The following LAMA4 variants were observed in gnomAD, a reference collection of about 807,000 sequenced individuals.
The protein encoded by LAMA4 is laminin subunit alpha 4.
LAMA4 carries 127 observed loss-of-function variants against 207.1 expected under a neutral mutation model. That is an observed-to-expected ratio of 0.61 (90% CI 0.53 to 0.71). LAMA4 has a LOEUF of 0.71. LAMA4 is among the 30% of genes least tolerant of loss of function. The pLI, the probability that LAMA4 is intolerant of heterozygous loss-of-function variation, is 0.00. For synonymous variants in LAMA4, 761 were observed against 816.0 expected, an observed-to-expected ratio of 0.93 and a Z score of 1.15; for missense variants, 2,093 against 2,246.5, an observed-to-expected ratio of 0.93 and a Z score of 1.38.
intron 6 of LAMA4, among the ~76,000 whole-genome samples, chr6:112,189,803 A>C (rs782056633): frequency 6.6e-6 from 1 of 152,194 alleles, no homozygotes; most frequent in Non-Finnish European, 1.5e-5. Context: ...TTTTACATGA[A>C]TTTAGAAGAC....
chr6:112,209,034 T>G (rs1784223187), intron 3 of LAMA4, among the ~76,000 whole-genome samples: 1 of 152,208 alleles, frequency 6.6e-6, no homozygotes, highest in Non-Finnish European at 1.5e-5. Flanking sequence ...CATGGATTAA[T>G]GAATTTGTGT....
At chr6:112,227,559 G>A (rs1554362938) in intron 2 of LAMA4, among the ~76,000 whole-genome samples, 1 of 152,188 alleles carries the variant, frequency 6.6e-6, no homozygotes, top group African/African-American at 2.4e-5. Context: ...TCTCTAGGAA[G>A]TGACTAATGT....
chr6:112,161,578 T>C (rs150857115), intron 13 of LAMA4, among the ~76,000 whole-genome samples: 63 of 152,350 alleles, frequency 4.1e-4, no homozygotes, highest in Non-Finnish European at 1.2e-4. Context: ...GTAGAATACC[T>C]TTGAACACAG....
At chr6:112,184,637 T>C (rs1322240115) in intron 9 of LAMA4, among the ~76,000 whole-genome samples, 1 of 152,184 alleles carries the variant, frequency 6.6e-6, no homozygotes, top group Non-Finnish European at 1.5e-5. Context: ...ATTCTTTATG[T>C]TGTATTTAAG....
rs1472091604 is a variant in LAMA4 at position 112,133,710 on chromosome 6, TCTAA to T, written c.3558-227_3558-224del. 2.6e-5 allele frequency among the ~76,000 whole-genome samples: 4 copies of T among 152,338 alleles called. No individual in the cohort carries two copies. In the South Asian group the frequency reaches 8.3e-4, roughly 32 times the overall value. On this transcript the variant is annotated intron_variant, in intron 26 of 38. Coordinates refer to ENST00000230538, the MANE Select transcript of LAMA4 (RefSeq NM_001105206.3). The stretch of plus-strand genomic sequence containing the variant: ...TTCTTCCTTACAGTTTTCAAAATGC[TCTAA>T]CTTACATTATCTCATTTTATCTTTA...
At chr6:112,208,147 G>A (rs1784171329) in intron 3 of LAMA4, among the ~76,000 whole-genome samples, 2 of 151,598 alleles carry the variant, frequency 1.3e-5, no homozygotes, top group South Asian at 4.2e-4. Flanking sequence ...AGGTTGAATT[G>A]GGGTTGCAGT....
intron 3 of LAMA4, chr6:112,213,401 C>T (rs1231948522): frequency 2.0e-5 from 3 of 152,172 alleles, no homozygotes; most frequent in Non-Finnish European, 4.4e-5. Flanking sequence ...CCTTCTAGTA[C>T]CTTTATAGAG....
intron 31 of LAMA4, among the ~76,000 whole-genome samples, chr6:112,125,223 A>G (rs1349831699): frequency 4.0e-5 from 6 of 151,128 alleles, no homozygotes; most frequent in Non-Finnish European, 5.9e-5. Flanking sequence ...CTTTCACTCT[A>G]TGAAGGAGCT....
rs139910579 is a variant in LAMA4, at chr6:112,254,124, C to G, written c.27G>C (p.Ser9=). ...TCCAGAGGAGCCACAGAGGCAGAAC[C>G]GAGCGCCAGGCTGAGCTCAAAGCCA... The part of the protein sequence containing the change: MALSSAWR[S]VLPLWLLWSA... The change falls in exon 2 of 39, where the codon TCG becomes TCC. Residue 9 remains serine, a synonymous_variant. Coordinates refer to ENST00000230538, the MANE Select transcript of LAMA4 (RefSeq NM_001105206.3). 2 of 1,612,830 alleles carry G rather than the reference C, an allele frequency of 1.2e-6. No individual in the cohort carries two copies. The highest frequency in any genetic ancestry group is 1.7e-5 in the Admixed American group (1 of 59,992).
At chr6:112,129,756 T>C (rs1778917283) in intron 30 of LAMA4, 120 bp downstream of exon 30, 2 of 837,854 alleles carry the variant, frequency 2.4e-6, no homozygotes, top group African/African-American at 3.4e-5. Flanking sequence ...CATAAAAGCT[T>C]TTAATTACTA....
At chr6:112,186,544 A>G (rs1583830770) in intron 8 of LAMA4, among the ~76,000 whole-genome samples, 2 of 152,340 alleles carry the variant, frequency 1.3e-5, no homozygotes, top group South Asian at 4.1e-4. Flanking sequence ...ATCCCTTGGT[A>G]GTTGTGGGAG....
At chr6:112,143,860 A>C (rs191184768) in intron 19 of LAMA4, among the ~76,000 whole-genome samples, 304 of 152,308 alleles carry the variant, frequency 2.0e-3, no homozygotes, top group African/African-American at 7.1e-3. Flanking sequence ...ACCTTTAGAT[A>C]AACCTTTTTT....
At chr6:112,218,785 AG>A (rs1244728255) in intron 2 of LAMA4, 1 of 152,240 alleles carries the variant, frequency 6.6e-6, no homozygotes, top group Admixed American at 6.5e-5. Context: ...AAGAAAAGGG[AG>A]GTACGAACAG....
chr6:112,163,380 T>G (rs1583765874), intron 13 of LAMA4, among the ~76,000 whole-genome samples: 1 of 152,172 alleles, frequency 6.6e-6, no homozygotes, highest in East Asian at 1.9e-4. Flanking sequence ...ACAGTGGTTG[T>G]ACGTGGCCTG....
chr6:112,148,018 C>A, intron 18 of LAMA4, 139 bp downstream of exon 18: 1 of 755,596 alleles, frequency 1.3e-6, no homozygotes, highest in Admixed American at 2.2e-5. Flanking sequence ...AGTGCAAAAG[C>A]TTTTCTTTTT....
chr6:112,210,025 C>T (rs1784276993), intron 3 of LAMA4, among the ~76,000 whole-genome samples: 1 of 151,908 alleles, frequency 6.6e-6, no homozygotes, highest in African/African-American at 2.4e-5. Context: ...CTCCCTCTCT[C>T]TCTCTCTCTC....
chr6:112,129,329 C>T (rs1554328804), intron 30 of LAMA4, among the ~76,000 whole-genome samples: 2 of 152,076 alleles, frequency 1.3e-5, no homozygotes, highest in African/African-American at 4.8e-5. Context: ...TCCCTCAACA[C>T]ACTCTGGATG....
intron 12 of LAMA4, among the ~76,000 whole-genome samples, chr6:112,166,703 T>C (rs1781402414): frequency 1.3e-5 from 2 of 152,352 alleles, no homozygotes; most frequent in Middle Eastern, 3.4e-3. Context: ...TTACCGTATA[T>C]AGCATTAGAC....
chr6:112,223,210 C>G (rs1785021869), intron 2 of LAMA4, among the ~76,000 whole-genome samples: 1 of 151,946 alleles, frequency 6.6e-6, no homozygotes, highest in Non-Finnish European at 1.5e-5. Context: ...AAAACTGACT[C>G]AGTTTTATTT....
Sources: allele counts gnomAD v4.1 joint callset (sites outside exome capture counted in the v4.1 genomes callset), GRCh38; gene constraint gnomAD v4.1.1; transcripts MANE v1.5; gene names NCBI Gene and HGNC (gene_info 2026-07-23, HGNC 2026-07-21).